The following SLC35F3 variants were observed in gnomAD, a reference collection of about 807,000 sequenced individuals.
The protein encoded by SLC35F3 is putative thiamine transporter SLC35F3.
A neutral mutation model predicts 49.9 loss-of-function variants in SLC35F3; 25 were observed. That is an observed-to-expected ratio of 0.50 (90% CI 0.37 to 0.70). SLC35F3 has a LOEUF of 0.70. Ranked by LOEUF, SLC35F3 falls within the 30% of genes least tolerant of loss-of-function variation. The probability of loss-of-function intolerance (pLI) is 0.00; values close to 1 mark genes in which losing one functional copy is unlikely to be tolerated. For missense variants in SLC35F3, 525 were observed against 639.8 expected (o/e 0.82, Z 1.94); for synonymous variants, 275 against 265.4 (o/e 1.04, Z -0.35).
intron 3 of SLC35F3, among the ~76,000 whole-genome samples, chr1:234,292,791 C>T (rs1379518906): frequency 1.3e-5 from 2 of 152,216 alleles, no homozygotes; most frequent in Non-Finnish European, 2.9e-5. Context: ...ACCTGTCCTC[C>T]TGCCACCTCC....
At chr1:234,010,352 A>G (rs1050010419) in intron 2 of SLC35F3, among the ~76,000 whole-genome samples, 6 of 152,230 alleles carry the variant, frequency 3.9e-5, no homozygotes, top group Non-Finnish European at 7.3e-5. Context: ...TGCACAAAAC[A>G]TAAATTGAAA....
At chr1:234,073,554 G>C (rs958469488) in intron 2 of SLC35F3, among the ~76,000 whole-genome samples, 1 of 152,170 alleles carries the variant, frequency 6.6e-6, no homozygotes, top group East Asian at 1.9e-4. Context: ...TGGAGACTGT[G>C]AACAAACCAT....
chr1:233,969,791 G>A (rs1484923531), intron 2 of SLC35F3, among the ~76,000 whole-genome samples: 1 of 152,212 alleles, frequency 6.6e-6, no homozygotes, highest in Admixed American at 6.5e-5. Flanking sequence ...CTAGTAGGGT[G>A]GTGCCATGAG....
intron 2 of SLC35F3, among the ~76,000 whole-genome samples, chr1:233,924,130 C>T (rs1246670125): frequency 6.6e-6 from 1 of 152,118 alleles, no homozygotes; most frequent in African/African-American, 2.4e-5. Flanking sequence ...CTCTGCCAGG[C>T]TTTGGTATCA....
intron 3 of SLC35F3, among the ~76,000 whole-genome samples, chr1:234,247,926 G>C (rs1047491887): frequency 6.6e-6 from 1 of 152,180 alleles, no homozygotes; most frequent in Non-Finnish European, 1.5e-5. Flanking sequence ...TCCATTGCTT[G>C]GTGGGTTGGT....
At chr1:233,990,435 G>C (rs1354667657) in intron 2 of SLC35F3, among the ~76,000 whole-genome samples, 1 of 152,052 alleles carries the variant, frequency 6.6e-6, no homozygotes, top group Non-Finnish European at 1.5e-5. Context: ...TTTTTCCATT[G>C]TTTCTTTACT....
chr1:234,181,338 G>GAAAAAAAAAA (rs34757532), intron 2 of SLC35F3, among the ~76,000 whole-genome samples: 1 of 97,310 alleles, frequency 1.0e-5, no homozygotes, highest in Non-Finnish European at 2.1e-5. Flanking sequence ...TCTGTCTCAA[G>GAAAAAAAAAA]AAAAAAAAAA....
intron 2 of SLC35F3, among the ~76,000 whole-genome samples, chr1:234,045,713 T>G (rs1466360353): frequency 7.0e-5 from 10 of 143,820 alleles, no homozygotes; most frequent in Admixed American, 6.4e-4. Flanking sequence ...ATTTTAAGGT[T>G]TTTTTTTTTT....
intron 2 of SLC35F3, among the ~76,000 whole-genome samples, chr1:234,139,572 A>G (rs1287078501): frequency 1.3e-5 from 2 of 152,116 alleles, no homozygotes; most frequent in Non-Finnish European, 2.9e-5. Flanking sequence ...AGTCGTCCCC[A>G]CTTATCCTTG....
intron 3 of SLC35F3, among the ~76,000 whole-genome samples, chr1:234,247,878 A>AGTTG (rs1667664987): frequency 1.5e-4 from 1 of 6,712 alleles, no homozygotes; most frequent in African/African-American, 6.4e-4. Flanking sequence ...TTGATGGGTC[A>AGTTG]GTTGGCTGGT....
intron 2 of SLC35F3, among the ~76,000 whole-genome samples, chr1:234,061,614 A>G (rs1225685791): frequency 6.6e-6 from 1 of 152,072 alleles, no homozygotes; most frequent in African/African-American, 2.4e-5. Context: ...GCTTAGTGTC[A>G]CAACTTTTCT....
chr1:234,061,191 GTCTTT>G lies in SLC35F3; in HGVS notation c.283+155445_283+155449del, dbSNP rs1411356068. Among the ~76,000 whole-genome samples, 5 of 151,850 alleles carry G rather than the reference GTCTTT, an allele frequency of 3.3e-5. No individual in the cohort carries two copies. The East Asian group carries it at 5.8e-4, about 18-fold the overall frequency. On this transcript the variant is annotated intron_variant, in intron 2 of 7. Coordinates refer to ENST00000366618, the MANE Select transcript of SLC35F3 (RefSeq NM_173508.4). ...TCTCAGTTTTTGTTTATCTCAAGGC[GTCTTT>G]TCTTTTCTTTTTTGTCATGATTTTT...
chr1:234,139,651 TAAA>T (rs1665861581), intron 2 of SLC35F3, among the ~76,000 whole-genome samples: 1 of 152,078 alleles, frequency 6.6e-6, no homozygotes. Flanking sequence ...ACTAGTCTTG[TAAA>T]ATAAGGGTGA....
Position 234,027,626 on chromosome 1 carries a change from TAGAA to T in SLC35F3, c.283+121875_283+121878del, listed in dbSNP as rs1663997775. The stretch of plus-strand genomic sequence containing the variant: ...CCTAAACTAAGCTGGTCACAGATAG[TAGAA>T]AGAAAGGGACAGATGTGAATGATAG... On this transcript the variant is annotated intron_variant, in intron 2 of 7. Coordinates refer to ENST00000366618, the MANE Select transcript of SLC35F3 (RefSeq NM_173508.4). The surrounding 1 kb of genome is among the most constrained non-coding windows in gnomAD (Gnocchi z 4.1). 2.0e-5 allele frequency among the ~76,000 whole-genome samples: 3 copies of T among 152,140 alleles called. No individual in the cohort carries two copies. The highest frequency in any genetic ancestry group is 4.1e-4 in the South Asian group (2 of 4,826).
intron 2 of SLC35F3, among the ~76,000 whole-genome samples, chr1:234,078,291 C>T (rs1664826731): frequency 6.6e-6 from 1 of 152,186 alleles, no homozygotes; most frequent in South Asian, 2.1e-4. Context: ...TCAGCACCCA[C>T]TGTTTCTCTC....
At chr1:234,247,389 A>AGGTGGGTTGGTTGGCTGGTCCATTGTTT (rs1558272476) in intron 3 of SLC35F3, among the ~76,000 whole-genome samples, 1 of 142,036 alleles carries the variant, frequency 7.0e-6, no homozygotes. Context: ...GTCCATTTTT[A>AGGTGGGTTGGTTGGCTGGTCCATTGTTT]GGTGGGTTGG....
chr1:234,273,332 G>T (rs911060798), intron 3 of SLC35F3, among the ~76,000 whole-genome samples: 1 of 152,160 alleles, frequency 6.6e-6, no homozygotes, highest in Non-Finnish European at 1.5e-5. Context: ...ATTGATGACT[G>T]CCCAGAAGGG....
intron 3 of SLC35F3, among the ~76,000 whole-genome samples, chr1:234,303,356 T>A (rs934311141): frequency 6.6e-6 from 1 of 152,236 alleles, no homozygotes; most frequent in Non-Finnish European, 1.5e-5. Context: ...TCACAAGACT[T>A]CCTCAGAGAA....
chr1:234,132,354 A>G (rs894162411), intron 2 of SLC35F3, among the ~76,000 whole-genome samples: 8 of 152,358 alleles, frequency 5.3e-5, no homozygotes, highest in African/African-American at 1.4e-4. Flanking sequence ...GCAATGTACA[A>G]TAAGCACTAG....
Sources: gnomAD v4.1 joint callset for allele counts (sites outside exome capture counted in the v4.1 genomes callset) on GRCh38, gnomAD v4.1.1 for gene constraint, Gnocchi (gnomAD v3.1) non-coding constraint, MANE v1.5 for transcripts, NCBI Gene and HGNC (gene_info 2026-07-23, HGNC 2026-07-21) for gene names.